EDA: variants seen among roughly 807,000 people sequenced by gnomAD.
EDA encodes ectodysplasin-A.
A neutral mutation model predicts 23.6 loss-of-function variants in EDA; 2 were observed. The ratio of observed to expected loss-of-function variants is 0.08; its 90% CI spans 0.03 to 0.27. The LOEUF (loss-of-function observed/expected upper bound fraction) is 0.27, where lower values mean the gene tolerates loss of function less well. Among genes scored for constraint, EDA ranks in the 10% least tolerant of loss-of-function variants. EDA has a pLI of 1.00. For synonymous variants in EDA, 131 were observed against 132.0 expected, an observed-to-expected ratio of 0.99 and a Z score of 0.05; for missense variants, 229 against 324.2, an observed-to-expected ratio of 0.71 and a Z score of 2.26.
intron 1 of EDA, among the ~76,000 whole-genome samples, chrX:69,697,577 G>A (rs991026232): frequency 1.5e-4 from 17 of 111,870 alleles, no homozygotes; most frequent in Non-Finnish European, 2.4e-4. Context: ...CCATCGTGTC[G>A]TTGCAGCAGG....
At chrX:69,921,511 T>G (rs369751911) in intron 1 of EDA, among the ~76,000 whole-genome samples, 1 of 110,707 alleles carries the variant, frequency 9.0e-6, no homozygotes, top group East Asian at 2.9e-4. Context: ...GCGTGTAACT[T>G]CCTGTTGCCA....
intron 5 of EDA, among the ~76,000 whole-genome samples, chrX:70,029,842 C>A (rs1300900719): frequency 8.9e-6 from 1 of 112,543 alleles, no homozygotes; most frequent in Non-Finnish European, 1.9e-5. Flanking sequence ...CAGACCTATT[C>A]ACCTGAGCCT....
At chrX:69,797,732 AAAAC>A (rs967614660) in intron 1 of EDA, among the ~76,000 whole-genome samples, 14 of 111,938 alleles carry the variant, frequency 1.3e-4, no homozygotes, top group Admixed American at 1.2e-3. Context: ...ACCATAATGA[AAAAC>A]AAGAGAAAAA....
At chrX:69,943,661 G>A (rs764524935) in intron 1 of EDA, among the ~76,000 whole-genome samples, 45 of 110,727 alleles carry the variant, frequency 4.1e-4, no homozygotes, top group African/African-American at 1.5e-3. Flanking sequence ...CAGGCCTGTG[G>A]TAACCACTGC....
intron 2 of EDA, among the ~76,000 whole-genome samples, chrX:70,005,015 G>A (rs1180777523): frequency 8.9e-6 from 1 of 111,749 alleles, no homozygotes; most frequent in Non-Finnish European, 1.9e-5. Flanking sequence ...AGGATTGCGT[G>A]AGCCCAGGAG....
At chrX:69,704,181 T>C (rs1346908615) in intron 1 of EDA, among the ~76,000 whole-genome samples, 1 of 111,913 alleles carries the variant, frequency 8.9e-6, no homozygotes, top group African/African-American at 3.2e-5. Flanking sequence ...TCATGTAATA[T>C]GTACATTGAT....
In EDA at chrX:69,793,574, T is replaced by TTG. The variant is rs1344547130; in HGVS notation, c.397-163452_397-163451insGT. Among the ~76,000 whole-genome samples, 118 of 100,321 alleles carry TTG rather than the reference T, an allele frequency of 1.2e-3. 1 individual carries two copies. The East Asian group carries it at 0.023, about 19-fold the overall frequency. The allele number at this position is 100,321 out of a possible 115,157, so 87.1% of individuals were successfully genotyped here. A position where few individuals can be genotyped will look rare whatever the true frequency, so the allele number is the denominator to read the frequency against. ...TTTGTTTGTTTGTTTGTTTTTGTTTTTTTTTTTTTTTTTTTGCTCCCGCTT... is the reference window on the plus strand; with the variant it reads ...TTTGTTTGTTTGTTTGTTTTTGTTTTTGTTTTTTTTTTTTTTTGCTCCCGCTT... On this transcript the variant is annotated intron_variant, in intron 1 of 7. Coordinates refer to ENST00000374552, the MANE Select transcript of EDA (RefSeq NM_001399.5).
intron 1 of EDA, among the ~76,000 whole-genome samples, chrX:69,917,409 C>T (rs963291904): frequency 1.8e-5 from 2 of 112,148 alleles, no homozygotes; most frequent in African/African-American, 6.5e-5. Context: ...TGCCTTTCCC[C>T]ACTGAGTTAT....
At chrX:69,862,350 T>C (rs1447062303) in intron 1 of EDA, among the ~76,000 whole-genome samples, 1 of 112,296 alleles carries the variant, frequency 8.9e-6, no homozygotes, top group East Asian at 2.8e-4. Flanking sequence ...TCTGCTTTAT[T>C]CTGTTCATTA....
intron 1 of EDA, among the ~76,000 whole-genome samples, chrX:69,886,174 C>G (rs1379997114): frequency 8.9e-6 from 1 of 111,926 alleles, no homozygotes; most frequent in African/African-American, 3.2e-5. Flanking sequence ...AGCCAGTTTA[C>G]CTAGTTCCCA....
chrX:70,019,482 C>T (rs781195473), intron 2 of EDA, among the ~76,000 whole-genome samples: 3 of 111,313 alleles, frequency 2.7e-5, no homozygotes, highest in Admixed American at 9.5e-5. Flanking sequence ...AGAAAATGTA[C>T]GTACATGTCA....
chrX:69,806,734 G>A (rs1299900259), intron 1 of EDA, among the ~76,000 whole-genome samples: 1 of 110,537 alleles, frequency 9.0e-6, no homozygotes, highest in African/African-American at 3.3e-5. Flanking sequence ...AGGAGGAGTA[G>A]GAGTTATCTA....
At chrX:69,902,599 A>T (rs1436422609) in intron 1 of EDA, among the ~76,000 whole-genome samples, 2 of 112,167 alleles carry the variant, frequency 1.8e-5, no homozygotes, top group African/African-American at 3.2e-5. Context: ...CTATAACATT[A>T]AAAAAATTCT....
chrX:69,735,355 T>G (rs2013214592), intron 1 of EDA, among the ~76,000 whole-genome samples: 1 of 95,948 alleles, frequency 1.0e-5, no homozygotes, highest in Admixed American at 1.1e-4. Flanking sequence ...AGGCTGTGAC[T>G]CCTGTCATAT....
intron 1 of EDA, among the ~76,000 whole-genome samples, chrX:69,894,642 C>A (rs2147635706): frequency 9.0e-6 from 1 of 110,928 alleles, no homozygotes; most frequent in African/African-American, 3.3e-5. Flanking sequence ...AGCTGTATTC[C>A]TAGGTAATTT....
chrX:69,879,073 G>A (rs995153482), intron 1 of EDA, among the ~76,000 whole-genome samples: 22 of 110,191 alleles, frequency 2.0e-4, no homozygotes, highest in African/African-American at 7.3e-4. Flanking sequence ...CTTTGATTCC[G>A]CGCCGCCCCC....
chrX:70,010,712 T>G (rs1469784019), intron 2 of EDA, among the ~76,000 whole-genome samples: 1 of 111,568 alleles, frequency 9.0e-6, no homozygotes, highest in Non-Finnish European at 1.9e-5. Flanking sequence ...AGAAAAAAGG[T>G]TTAATGGACC....
intron 1 of EDA, among the ~76,000 whole-genome samples, chrX:69,857,272 T>C (rs1316640098): frequency 8.9e-6 from 1 of 112,267 alleles, no homozygotes; most frequent in Non-Finnish European, 1.9e-5. Context: ...TTGGTGACTG[T>C]AGCCTTATAG....
At chrX:69,802,940 T>G (rs2147490312) in intron 1 of EDA, among the ~76,000 whole-genome samples, 1 of 111,875 alleles carries the variant, frequency 8.9e-6, no homozygotes, top group South Asian at 3.7e-4. Flanking sequence ...GACAGACAGG[T>G]GCTAGGCCTA....
Sources: gnomAD v4.1 joint callset for allele counts (sites outside exome capture counted in the v4.1 genomes callset) on GRCh38, gnomAD v4.1.1 for gene constraint, MANE v1.5 for transcripts, NCBI Gene and HGNC (gene_info 2026-07-23, HGNC 2026-07-21) for gene names.